PPRC1: variants seen among roughly 807,000 people sequenced by gnomAD.
PPRC1 encodes the protein PPARG related coactivator 1.
In PPRC1, 23 loss-of-function variants were observed where a neutral mutation model predicts 132.5. The ratio of observed to expected loss-of-function variants is 0.17; its 90% CI spans 0.12 to 0.25. The LOEUF (loss-of-function observed/expected upper bound fraction) is 0.25, where lower values mean the gene tolerates loss of function less well. Ranked by LOEUF, PPRC1 falls within the 10% of genes least tolerant of loss-of-function variation. The pLI, the probability that PPRC1 is intolerant of heterozygous loss-of-function variation, is 1.00. For missense variants in PPRC1, 2,006 were observed against 2,089.1 expected (o/e 0.96, Z 0.78); for synonymous variants, 872 against 833.5 (o/e 1.05, Z -0.80).
At chr10:102,142,505 G>A (rs1590343303) in intron 5 of PPRC1, among the ~76,000 whole-genome samples, 1 of 125,578 alleles carries the variant, frequency 8.0e-6, no homozygotes, top group African/African-American at 3.0e-5. Flanking sequence ...CGCAACCTCC[G>A]CCTCCCGGGT....
chr10:102,127,797 C>G, the PPRC1 span, among the ~76,000 whole-genome samples: 13 of 152,146 alleles, frequency 8.5e-5, no homozygotes, highest in East Asian at 2.5e-3. Flanking sequence ...GGCAATCTGC[C>G]CATCTCGGCC....
chr10:102,133,267 T>G, intron 1 of PPRC1, 46 bp downstream of exon 1: 41 of 1,242,778 alleles, frequency 3.3e-5, no homozygotes, highest in Middle Eastern at 3.1e-4. Flanking sequence ...AAGCGGTGTG[T>G]GCCGGGCGGT....
chr10:102,143,162 CT>C, intron 6 of PPRC1, 64 bp downstream of exon 6: 1 of 1,489,680 alleles, frequency 6.7e-7, no homozygotes, highest in Admixed American at 1.7e-5. Flanking sequence ...GGGCCCAGCC[CT>C]GTAGTTGCTT....
intron 1 of PPRC1, 140 bp from the exon 2 acceptor site, chr10:102,137,710 G>A: frequency 1.3e-6 from 1 of 742,508 alleles, no homozygotes; most frequent in South Asian, 2.3e-5. Context: ...GCTTCTCTCT[G>A]CTCTGCTAGC....
Position 102,139,782 on chromosome 10 carries a change from C to T in PPRC1, c.1274C>T (p.Ala425Val). ...SLNSEEKLDS[A>V]CLLKPREVVE... is the part of the protein sequence containing the mutation. ...AACTCAGAGGAGAAGCTGGACTCAG[C>T]CTGCTTATTGAAGCCCAGGGAGGTC... The change falls in exon 5 of 14, where the codon GCC becomes GTC. Residue 425 changes from alanine (A) to valine (V), a missense_variant. Ala to Val is a moderately conservative substitution (Grantham distance 64, BLOSUM62 0). Around this residue, in one of 2 missense-constraint regions of PPRC1, gnomAD observed 1,914 missense variants for 1,917.2 expected, o/e 1.00. Transcript: ENST00000278070. 1 of 1,614,184 alleles carries T rather than the reference C, an allele frequency of 6.2e-7. No individual in the cohort carries two copies. Among genetic ancestry groups the T allele is most frequent in the Non-Finnish European group, 8.5e-7 (1 of 1,180,036 alleles).
At chr10:102,124,302 A>G in the PPRC1 span, among the ~76,000 whole-genome samples, 1 of 151,414 alleles carries the variant, frequency 6.6e-6, no homozygotes, top group Non-Finnish European at 1.5e-5. Context: ...TGACCTTGTG[A>G]TCTGCCTGCC....
rs759423246 is a variant in PPRC1 at position 102,146,821 on chromosome 10, G to A, written c.3829G>A (p.Val1277Ile). The change falls in exon 9 of 14, where the codon GTT (valine) becomes ATT (isoleucine). Residue 1277 changes from valine to isoleucine, a missense_variant. Around this residue, in one of 2 missense-constraint regions of PPRC1, gnomAD observed 1,914 missense variants for 1,917.2 expected, o/e 1.00. Transcript: ENST00000278070. Reference sequence around the variant, plus strand: ...TACGGAGGCCAAACATCCAGCTGCAGTTCGCCTCCAAGAAGGGGTCCATGG... The same window carrying A: ...TACGGAGGCCAAACATCCAGCTGCAATTCGCCTCCAAGAAGGGGTCCATGG... Reference protein sequence around the residue: ...GVTEAKHPAAVRLQEGVHGPS... With the variant: ...GVTEAKHPAAIRLQEGVHGPS... 7.4e-6 allele frequency: 12 copies of A among 1,613,966 alleles called. No homozygotes were observed. Among genetic ancestry groups the A allele is most frequent in the Non-Finnish European group, 1.7e-6 (2 of 1,180,014 alleles).
chr10:102,142,836 G>A (rs1307225600), intron 5 of PPRC1: 2 of 446,058 alleles, frequency 4.5e-6, no homozygotes, highest in Non-Finnish European at 8.1e-6. Context: ...ACAGGTGTGT[G>A]CCACCGTGCC....
At chr10:102,135,322 G>A (rs1415412716) in intron 1 of PPRC1, among the ~76,000 whole-genome samples, 1 of 152,132 alleles carries the variant, frequency 6.6e-6, no homozygotes, top group East Asian at 1.9e-4. Flanking sequence ...ACACGCTGGA[G>A]CAGAGGTCTG....
rs749450563 is a variant in PPRC1, at chr10:102,147,389, G to A, written c.4397G>A (p.Arg1466Gln). 2.5e-6 allele frequency: 4 copies of A among 1,600,590 alleles called. No individual in the cohort carries two copies. Among genetic ancestry groups the A allele is most frequent in the African/African-American group, 1.3e-5 (1 of 74,876 alleles). ...CTCTCCCCCCCACACAAGAGGTGGC[G>A]AAGGTGAGCTTTGATGGCCCTGTAG... ...RSLSPPHKRW[R>Q]RSSCSSSGRS... Residue 1466 changes from arginine to glutamine, a missense_variant, in exon 9 of 14, where the codon CGA becomes CAA. Transcript: ENST00000278070.
At chr10:102,121,100 C>T in the PPRC1 span, among the ~76,000 whole-genome samples, 1 of 152,210 alleles carries the variant, frequency 6.6e-6, no homozygotes, top group Non-Finnish European at 1.5e-5. Flanking sequence ...AGTGGGGTCC[C>T]CGCCCTCCTC....
At chr10:102,144,337 T>C (rs1278310602) in intron 7 of PPRC1, 30 bp downstream of exon 7, 2 of 1,605,992 alleles carry the variant, frequency 1.2e-6, no homozygotes, top group Non-Finnish European at 1.7e-6. Flanking sequence ...CGAGTTACCC[T>C]ACAGCTGTTA....
chr10:102,148,659 C>G lies in PPRC1; in HGVS notation c.4582C>G (p.Gln1528Glu), dbSNP rs1202871331. ...YSSYRSHDHYQRQRVLQKERA... is the reference protein window; with the variant it reads ...YSSYRSHDHYERQRVLQKERA... ...CTCTTATCGTTCACATGACCATTAC[C>G]AAAGGCAAAGAGTGCTACAAAAGGA... Residue 1528 changes from glutamine (Q) to glutamate (E), a missense_variant, in exon 11 of 14, where the codon CAA (glutamine) becomes GAA (glutamate). By Grantham distance (29) the Gln-to-Glu change is conservative. Around this residue, in one of 2 missense-constraint regions of PPRC1, gnomAD observed 1,914 missense variants for 1,917.2 expected, o/e 1.00. Coordinates refer to ENST00000278070, the MANE Select transcript of PPRC1 (RefSeq NM_015062.5). The surrounding 1 kb of genome is among the most constrained non-coding windows in gnomAD (Gnocchi z 4.2). The G allele has an allele frequency of 1.9e-6, 3 of 1,614,140 alleles. No individual in the cohort carries two copies. The highest frequency in any genetic ancestry group is 1.7e-5 in the Admixed American group (1 of 60,020).
At position 102,147,147 on chromosome 10, in the gene PPRC1, T is replaced by C; in HGVS notation, c.4155T>C (p.Asn1385=). ...LLSPEASPCR[N]DMNTRTPPEP... is the part of the protein sequence containing the mutation. ...CCCCTGAGGCCTCACCCTGCCGGAA[T>C]GACATGAACACTAGGACTCCCCCTG... The change falls in exon 9 of 14, where the codon AAT becomes AAC. Residue 1385 remains asparagine (N), a synonymous_variant. Coordinates refer to ENST00000278070, the MANE Select transcript of PPRC1 (RefSeq NM_015062.5). 1 of 1,614,152 alleles carries C rather than the reference T, an allele frequency of 6.2e-7. No homozygotes were observed. Among genetic ancestry groups the C allele is most frequent in the Non-Finnish European group, 8.5e-7 (1 of 1,180,034 alleles).
At chr10:102,131,454 T>C (rs542058387), upstream of PPRC1, among the ~76,000 whole-genome samples, 1 of 151,670 alleles carries the variant, frequency 6.6e-6, no homozygotes, top group African/African-American at 2.4e-5. Flanking sequence ...TTCATGAACA[T>C]GTGTGGGGAT....
rs2069364461 is a variant in PPRC1 at position 102,148,489 on chromosome 10, A to G, written c.4518A>G (p.Pro1506=). The change falls in exon 10 of 14, where the codon CCA becomes CCG. Residue 1506 remains proline, a synonymous_variant. Coordinates refer to ENST00000278070, the MANE Select transcript of PPRC1 (RefSeq NM_015062.5). The surrounding 1 kb of genome is among the most constrained non-coding windows in gnomAD (Gnocchi z 4.2). ...SSSSRSRSRS[P]SPRRRSDRRR... ...GTTCTCGAAGCCGCTCACGATCCCCATCCCCCCGCCGGAGAAGTGACAGGA... is the reference window on the plus strand; with the variant it reads ...GTTCTCGAAGCCGCTCACGATCCCCGTCCCCCCGCCGGAGAAGTGACAGGA... 3 of 1,612,758 alleles carry G rather than the reference A, an allele frequency of 1.9e-6. No individual in the cohort carries two copies. In the South Asian group the frequency reaches 3.3e-5, roughly 18 times the overall value.
chr10:102,144,276 C>A lies in PPRC1; in HGVS notation c.3577C>A (p.Pro1193Thr). The change falls in exon 7 of 14, where the codon CCT becomes ACT. Residue 1193 changes from proline to threonine, a missense_variant. This residue lies in a region of PPRC1 where 1,914 missense variants were observed against 1,917.2 expected (regional missense o/e 1.00). Coordinates refer to ENST00000278070, the MANE Select transcript of PPRC1 (RefSeq NM_015062.5). ...EAKKECPPPA[P>T]ADSLAVGNSG... is the part of the protein sequence containing the mutation. ...CAAAAAGGAGTGTCCTCCTCCGGCT[C>A]CTGCTGACAGCTTGGCTGTAGGAAA... 1 of 1,614,158 alleles carries A rather than the reference C, an allele frequency of 6.2e-7. No homozygotes were observed. The highest frequency in any genetic ancestry group is 1.3e-5 in the African/African-American group (1 of 75,058).
intron 1 of PPRC1, among the ~76,000 whole-genome samples, chr10:102,136,466 G>A (rs181282878): frequency 3.3e-5 from 5 of 152,136 alleles, no homozygotes; most frequent in Admixed American, 2.0e-4. Context: ...TTTCCTATGC[G>A]GTAGTTTCCC....
chr10:102,149,854 A>C, intron 13 of PPRC1, 72 bp from the exon 14 acceptor site: 3 of 1,151,436 alleles, frequency 2.6e-6, no homozygotes, highest in Non-Finnish European at 3.9e-6. Context: ...GATGGGAGAT[A>C]GCTAGCCATT....
Sources: allele counts gnomAD v4.1 joint callset (sites outside exome capture counted in the v4.1 genomes callset), GRCh38; gene constraint gnomAD v4.1.1; regional missense constraint gnomAD v4.1.1; non-coding constraint Gnocchi (gnomAD v3.1); transcripts MANE v1.5; gene names NCBI Gene and HGNC (gene_info 2026-07-23, HGNC 2026-07-21).